Variants in TGFBR3 observed in about 807,000 individuals in gnomAD.
TGFBR3 encodes transforming growth factor beta receptor type 3.
TGFBR3 carries 46 observed loss-of-function variants against 87.9 expected under a neutral mutation model. That is an observed-to-expected ratio of 0.52 (90% CI 0.41 to 0.67). The LOEUF is 0.67. Ranked by LOEUF, TGFBR3 falls within the 30% of genes least tolerant of loss-of-function variation. The pLI is 0.00. For synonymous variants in TGFBR3, 381 were observed against 391.6 expected (o/e 0.97, Z 0.32); for missense variants, 866 against 1,041.9 (o/e 0.83, Z 2.32).
intron 1 of TGFBR3, chr1:91,866,656 T>A (rs915801678): frequency 6.6e-6 from 1 of 152,260 alleles, no homozygotes; most frequent in Non-Finnish European, 1.5e-5. Context: ...ACATGTTTTT[T>A]GCCCTTGTGG....
chr1:91,701,534 T>G (rs776042926), intron 14 of TGFBR3, among the ~76,000 whole-genome samples: 3 of 152,198 alleles, frequency 2.0e-5, no homozygotes, highest in African/African-American at 4.8e-5. Flanking sequence ...AAGGACAAAC[T>G]ATAATCAATG....
In TGFBR3 at chr1:91,689,840, T is replaced by TA. The variant is rs545760131; in HGVS notation, c.2437+5831dup. 4.6e-3 allele frequency among the ~76,000 whole-genome samples: 451 copies of TA among 99,086 alleles called. 4 individuals are homozygous for TA. The highest frequency in any genetic ancestry group is 0.035 in the East Asian group (89 of 2,570). 65.0% of individuals were successfully genotyped at this position (99,086 alleles called of 152,430 possible). On this transcript the variant is annotated intron_variant, in intron 16 of 16. Transcript: ENST00000212355. ...CAAGGACTCCCTTTAAGAAACTGAT[T>TA]AAAAAAAAAAAAAAAAAAAAAAAAG...
rs1676168357 is a variant in TGFBR3 at position 91,815,079 on chromosome 1, A to G, written c.62-17608T>C. ...CACTTTGGGAGGCCAAGGCAGGTGG[A>G]TCACTTGAGGCCAGGAGTTCAAGAC... is the stretch of plus-strand genomic sequence containing the variant. On this transcript the variant is annotated intron_variant, in intron 2 of 16. Transcript: ENST00000212355. 2.0e-5 allele frequency among the ~76,000 whole-genome samples: 3 copies of G among 152,190 alleles called. No homozygotes were observed. In the South Asian group the frequency reaches 6.2e-4, roughly 32 times the overall value.
Position 91,720,134 on chromosome 1 carries a change from A to T in TGFBR3, c.1172T>A (p.Ile391Asn). 6.2e-7 allele frequency: 1 copy of T among 1,614,052 alleles called. No individual in the cohort carries two copies. The highest frequency in any genetic ancestry group is 8.5e-7 in the Non-Finnish European group (1 of 1,180,014). ...GALPALQNPPIRGGEGQNGGL... is the reference protein window; with the variant it reads ...GALPALQNPPNRGGEGQNGGL... ...TCCATTTTGGCCTTCCCCTCCCCGGATGGGCGGGTTCTGCAGGGCAGGCAG... is the reference window on the plus strand; with the variant it reads ...TCCATTTTGGCCTTCCCCTCCCCGGTTGGGCGGGTTCTGCAGGGCAGGCAG... The change falls in exon 9 of 17, where the codon ATC becomes AAC. Residue 391 changes from isoleucine to asparagine, a missense_variant. Coordinates refer to ENST00000212355, the MANE Select transcript of TGFBR3 (RefSeq NM_003243.5).
At chr1:91,871,801 G>A (rs776216733) in intron 1 of TGFBR3, among the ~76,000 whole-genome samples, 5 of 152,134 alleles carry the variant, frequency 3.3e-5, no homozygotes, top group Non-Finnish European at 7.4e-5. Flanking sequence ...GCCTACCTGA[G>A]TTCAAATCCC....
intron 2 of TGFBR3, among the ~76,000 whole-genome samples, chr1:91,800,324 GTGTATA>G (rs1433173215): frequency 3.1e-5 from 3 of 95,412 alleles, no homozygotes; most frequent in African/African-American, 1.2e-4. Context: ...GTATATATAT[GTGTATA>G]TGTGTGTGTG....
chr1:91,862,617 A>T (rs1469784891), intron 1 of TGFBR3, among the ~76,000 whole-genome samples: 3 of 152,076 alleles, frequency 2.0e-5, no homozygotes, highest in Non-Finnish European at 4.4e-5. Flanking sequence ...ACACGGCCCT[A>T]ATGGTCACTG....
intron 2 of TGFBR3, among the ~76,000 whole-genome samples, chr1:91,845,538 C>T (rs191313504): frequency 6.6e-6 from 1 of 152,354 alleles, no homozygotes; most frequent in Admixed American, 6.5e-5. Context: ...TCTCTCTCAT[C>T]TATAAGGGAC....
intron 1 of TGFBR3, among the ~76,000 whole-genome samples, chr1:91,872,759 G>A (rs769319844): frequency 1.3e-5 from 2 of 152,166 alleles, no homozygotes; most frequent in Non-Finnish European, 2.9e-5. Context: ...CAAACCACAG[G>A]CAGAGAGAAA....
At chr1:91,818,174 C>A (rs1423109092) in intron 2 of TGFBR3, among the ~76,000 whole-genome samples, 1 of 151,844 alleles carries the variant, frequency 6.6e-6, no homozygotes, top group Non-Finnish European at 1.5e-5. Context: ...ATTCACTCTT[C>A]ATTTCACATG....
chr1:91,813,612 T>C (rs1309556146), intron 2 of TGFBR3, among the ~76,000 whole-genome samples: 1 of 152,206 alleles, frequency 6.6e-6, no homozygotes, highest in African/African-American at 2.4e-5. Flanking sequence ...GCACTGTTCA[T>C]AGAAATCAGA....
chr1:91,761,686 A>T (rs904899427), intron 3 of TGFBR3, among the ~76,000 whole-genome samples: 4 of 152,142 alleles, frequency 2.6e-5, no homozygotes, highest in African/African-American at 9.7e-5. Context: ...AAAAGCTTCC[A>T]GAAATGTAGA....
intron 3 of TGFBR3, among the ~76,000 whole-genome samples, chr1:91,764,089 CCA>C (rs563237792): frequency 1.5e-3 from 222 of 152,020 alleles, no homozygotes; most frequent in African/African-American, 5.1e-3. Context: ...ACATTCCCCC[CCA>C]CACACACCCA....
intron 4 of TGFBR3, among the ~76,000 whole-genome samples, chr1:91,758,236 G>A (rs897527944): frequency 2.6e-5 from 4 of 151,954 alleles, no homozygotes; most frequent in Admixed American, 2.0e-4. Context: ...GTATGGGTCC[G>A]TGCATATTCA....
At chr1:91,851,570 C>A (rs1360534727) in intron 2 of TGFBR3, among the ~76,000 whole-genome samples, 1 of 152,196 alleles carries the variant, frequency 6.6e-6, no homozygotes, top group East Asian at 1.9e-4. Flanking sequence ...GATAAAGATA[C>A]CTCCAGAGTT....
intron 2 of TGFBR3, among the ~76,000 whole-genome samples, chr1:91,892,353 A>C (rs1008790971): frequency 6.7e-6 from 1 of 149,016 alleles, no homozygotes; most frequent in African/African-American, 2.6e-5. Context: ...TCTGCAGAGA[A>C]CTAGCCCCAC....
intron 1 of TGFBR3, among the ~76,000 whole-genome samples, chr1:91,882,998 A>G (rs1370414157): frequency 6.6e-6 from 1 of 152,212 alleles, no homozygotes; most frequent in African/African-American, 2.4e-5. Context: ...ATGAAAGATG[A>G]TGACAGGATT....
At chr1:91,805,223 T>C (rs1417547085) in intron 2 of TGFBR3, among the ~76,000 whole-genome samples, 1 of 152,204 alleles carries the variant, frequency 6.6e-6, no homozygotes, top group Non-Finnish European at 1.5e-5. Flanking sequence ...AATCTGGATA[T>C]TTCAGTTCAT....
chr1:91,717,300 C>T (rs1490536549), intron 10 of TGFBR3, among the ~76,000 whole-genome samples: 2 of 152,190 alleles, frequency 1.3e-5, no homozygotes, highest in Non-Finnish European at 2.9e-5. Context: ...CACATCTCTT[C>T]ATTGCCGCTC....
Sources: gnomAD v4.1 joint callset for allele counts (sites outside exome capture counted in the v4.1 genomes callset) on GRCh38, gnomAD v4.1.1 for gene constraint, MANE v1.5 for transcripts, NCBI Gene and HGNC (gene_info 2026-07-23, HGNC 2026-07-21) for gene names.